LRFN1: variants seen among roughly 807,000 people sequenced by gnomAD.
The protein encoded by LRFN1 is leucine-rich repeat and fibronectin type III domain-containing protein 1.
Under a neutral mutation model 31.8 loss-of-function variants are expected in LRFN1, and 20 were observed. The ratio of observed to expected loss-of-function variants is 0.63; its 90% CI spans 0.44 to 0.91. The LOEUF is 0.91. LRFN1 is among the 40% of genes least tolerant of loss of function. LRFN1 has a pLI of 0.00. For synonymous variants in LRFN1, 514 were observed against 541.3 expected (o/e 0.95, Z 0.70); for missense variants, 912 against 1,129.8 (o/e 0.81, Z 2.76).
chr19:39,319,215 G>T (rs2075180643), intron 1 of LRFN1, among the ~76,000 whole-genome samples: 1 of 152,144 alleles, frequency 6.6e-6, no homozygotes, highest in Non-Finnish European at 1.5e-5. Flanking sequence ...ATACAACAGA[G>T]AAACTCATGT....
Position 39,315,267 on chromosome 19 carries a change from G to A in LRFN1, c.70C>T (p.Leu24Phe). ...TGGCCACGAGATGCCCCCGCCCAGA[G>A]CAGCAGCAGAAAGGGCAGGGCAGCG... ...PPAALPFLLL[L>F]WAGASRGQPC... The change falls in exon 4 of 5, where the codon CTC (leucine) becomes TTC (phenylalanine). Residue 24 changes from leucine (L) to phenylalanine (F), a missense_variant. Physicochemically the swap from Leu to Phe is conservative, Grantham distance 22 (BLOSUM62 0). This residue lies in a region of LRFN1 where 401 missense variants were observed against 572.7 expected (regional missense o/e 0.70). Coordinates refer to ENST00000248668, the MANE Select transcript of LRFN1 (RefSeq NM_020862.2). The surrounding 1 kb of genome is among the most constrained non-coding windows in gnomAD (Gnocchi z 4.7). The A allele has an allele frequency of 6.5e-7, 1 of 1,531,236 alleles. No individual in the cohort carries two copies. Among genetic ancestry groups the A allele is most frequent in the Non-Finnish European group, 8.7e-7 (1 of 1,143,980 alleles). 94.9% of individuals were successfully genotyped at this position (1,531,236 alleles called of 1,614,324 possible).
Position 39,308,079 on chromosome 19 carries a change from T to TGGCCTC in LRFN1, c.1864_1869dup (p.Glu622_Ala623dup), listed in dbSNP as rs2075136223. The TGGCCTC allele has an allele frequency of 6.7e-7, 1 of 1,503,066 alleles. No individual in the cohort carries two copies. Among genetic ancestry groups the TGGCCTC allele is most frequent in the African/African-American group, 1.4e-5 (1 of 70,366 alleles). 93.1% of individuals were successfully genotyped at this position (1,503,066 alleles called of 1,614,324 possible). A position where few individuals can be genotyped will look rare whatever the true frequency, so the allele number is the denominator to read the frequency against. On this transcript the variant is annotated inframe_insertion, in exon 5 of 5. Transcript: ENST00000248668. The surrounding 1 kb of genome is among the most constrained non-coding windows in gnomAD (Gnocchi z 6.2). ...GATGCCGTCTCGGCCTCCATGGCCT[T>TGGCCTC]GGCCTCGACGGCGACGGCGGGGGCA...
rs576418184 is a variant in LRFN1 at position 39,319,685 on chromosome 19, C to A, written c.-126+1108G>T. Among the ~76,000 whole-genome samples, 263 of 152,240 alleles carry A rather than the reference C, an allele frequency of 1.7e-3. 2 individuals are homozygous for A. Among genetic ancestry groups the A allele is most frequent in the African/African-American group, 5.9e-3 (243 of 41,520 alleles). Reference sequence around the variant, plus strand: ...CACACAGTCTTGGACACACATTCCTCCCAGCCCTGAGGCACCCCCCCACCA... The same window carrying A: ...CACACAGTCTTGGACACACATTCCTACCAGCCCTGAGGCACCCCCCCACCA... On this transcript the variant is annotated intron_variant, in intron 1 of 4. Transcript: ENST00000248668.
intron 4 of LRFN1, among the ~76,000 whole-genome samples, chr19:39,309,443 C>A (rs1439069765): frequency 2.5e-5 from 3 of 117,784 alleles, no homozygotes; most frequent in African/African-American, 9.8e-5. Context: ...TACAAGACCG[C>A]AAGACCGAGA....
In LRFN1 at chr19:39,315,251, G is replaced by T. The variant is rs1413961936; in HGVS notation, c.86C>A (p.Ser29Tyr). ...PFLLLLWAGA[S>Y]RGQPCPGRCI... ...GCGGCCGGGGCAGGGCTGGCCACGA[G>T]ATGCCCCCGCCCAGAGCAGCAGCAG... The change falls in exon 4 of 5, where the codon TCT (serine) becomes TAT (tyrosine). Residue 29 changes from serine (S) to tyrosine (Y), a missense_variant. By Grantham distance (144) the Ser-to-Tyr change is moderately radical. Around this residue, in one of 2 missense-constraint regions of LRFN1, gnomAD observed 401 missense variants for 572.7 expected, o/e 0.70. Transcript: ENST00000248668. This position sits in a 1 kb window ranked among gnomAD's most constrained non-coding sequence, Gnocchi z 4.7. 6.5e-7 allele frequency: 1 copy of T among 1,546,522 alleles called. No individual in the cohort carries two copies. Among genetic ancestry groups the T allele is most frequent in the South Asian group, 1.2e-5 (1 of 84,228 alleles).
At position 39,307,936 on chromosome 19, in the gene LRFN1, C is replaced by T; in HGVS notation, c.2013G>A (p.Arg671=). 1.3e-6 allele frequency: 2 copies of T among 1,561,750 alleles called. No individual in the cohort carries two copies. Among genetic ancestry groups the T allele is most frequent in the Middle Eastern group, 1.7e-4 (1 of 5,980 alleles). ...GTGGCTCCAGGGCGCCGGATCGGCT[C>T]CTTCGAGGGCCCACCGCGGCCCGAG... The part of the protein sequence containing the change: ...EESRAAVGPR[R]SRSGALEPPT... The change falls in exon 5 of 5, where the codon AGG becomes AGA. Residue 671 remains arginine, a synonymous_variant. Coordinates refer to ENST00000248668, the MANE Select transcript of LRFN1 (RefSeq NM_020862.2). The surrounding 1 kb of genome is among the most constrained non-coding windows in gnomAD (Gnocchi z 6.7).
chr19:39,307,016 A>T lies in LRFN1; in HGVS notation c.*617T>A, dbSNP rs1362696651. On this transcript the variant is annotated 3_prime_UTR_variant, in exon 5 of 5. Coordinates refer to ENST00000248668, the MANE Select transcript of LRFN1 (RefSeq NM_020862.2). The surrounding 1 kb of genome is among the most constrained non-coding windows in gnomAD (Gnocchi z 6.7). ...GACTAGACAAAACCAGGGAGGGCCG[A>T]GGGACAAGAGACGACAGGACAGAGA... 3 of 306,026 alleles carry T rather than the reference A, an allele frequency of 9.8e-6. No homozygotes were observed. Among genetic ancestry groups the T allele is most frequent in the Non-Finnish European group, 1.8e-5 (3 of 167,930 alleles). The allele number at this position is 306,026 out of a possible 1,614,324, so 19.0% of individuals were successfully genotyped here.
intron 2 of LRFN1, among the ~76,000 whole-genome samples, chr19:39,316,694 CACA>C (rs955309399): frequency 1.6e-4 from 24 of 152,194 alleles, no homozygotes; most frequent in African/African-American, 5.5e-4. Context: ...TTTGGGTACA[CACA>C]ACACACACAC....
chr19:39,320,423 T>A (rs1449289918), intron 1 of LRFN1, among the ~76,000 whole-genome samples: 1 of 150,800 alleles, frequency 6.6e-6, no homozygotes, highest in African/African-American at 2.4e-5. Context: ...CCAGAGCAGC[T>A]AGTCGCGCAC....
At position 39,313,748 on chromosome 19, in the gene LRFN1, A is replaced by G. The variant is rs150135202; in HGVS notation, c.1406+183T>C. 2.2e-4 allele frequency among the ~76,000 whole-genome samples: 33 copies of G among 152,338 alleles called. No individual in the cohort carries two copies. The East Asian group carries it at 5.8e-3, about 27-fold the overall frequency. On this transcript the variant is annotated intron_variant, in intron 4 of 4. Coordinates refer to ENST00000248668, the MANE Select transcript of LRFN1 (RefSeq NM_020862.2). ...TGTAGGTGCTCAGCGAATATTTTCTATAAGCACGAAAAACAGAGACAGTGA... is the reference window on the plus strand; with the variant it reads ...TGTAGGTGCTCAGCGAATATTTTCTGTAAGCACGAAAAACAGAGACAGTGA...
intron 2 of LRFN1, among the ~76,000 whole-genome samples, chr19:39,316,357 A>G (rs39587): frequency 0.19 from 28,890 of 152,062 alleles, 4,945 homozygotes; most frequent in African/African-American, 0.46. Context: ...TCAAATCCTG[A>G]TTCCCCTTTT....
At chr19:39,319,970 C>G (rs888927421) in intron 1 of LRFN1, among the ~76,000 whole-genome samples, 1 of 142,818 alleles carries the variant, frequency 7.0e-6, no homozygotes, top group East Asian at 2.4e-4. Flanking sequence ...GATGTCTGGC[C>G]GGTGGGGGAA....
At position 39,307,660 on chromosome 19, in the gene LRFN1, G is replaced by C. The variant is rs1218263984; in HGVS notation, c.2289C>G (p.Thr763=). ...SARACLAFTS[T]EWMLESTV is the part of the protein sequence containing the mutation. ...ACACGGTACTCTCCAGCATCCACTC[G>C]GTGCTGGTGAAAGCCAGGCACGCCC... The change falls in exon 5 of 5, where the codon ACC becomes ACG. Residue 763 remains threonine, a synonymous_variant. Coordinates refer to ENST00000248668, the MANE Select transcript of LRFN1 (RefSeq NM_020862.2). This position sits in a 1 kb window ranked among gnomAD's most constrained non-coding sequence, Gnocchi z 6.7. The C allele has an allele frequency of 2.7e-6, 4 of 1,482,218 alleles. No homozygotes were observed. The African/African-American group carries it at 4.4e-5, about 16-fold the overall frequency. 91.8% of individuals were successfully genotyped at this position (1,482,218 alleles called of 1,614,324 possible). A position where few individuals can be genotyped will look rare whatever the true frequency, so the allele number is the denominator to read the frequency against.
In LRFN1 at chr19:39,314,942, T is replaced by A. The variant is rs1301489209; in HGVS notation, c.395A>T (p.Gln132Leu). 3 of 1,601,080 alleles carry A rather than the reference T, an allele frequency of 1.9e-6. No homozygotes were observed. Among genetic ancestry groups the A allele is most frequent in the Non-Finnish European group, 2.5e-6 (3 of 1,176,490 alleles). The change falls in exon 4 of 5, where the codon CAG becomes CTG. Residue 132 changes from glutamine to leucine, a missense_variant. By Grantham distance (113) the Gln-to-Leu change is moderately radical. Transcript: ENST00000248668. Reference protein sequence around the residue: ...SNRLAEVRGDQLRGLGNLRHL... With the variant: ...SNRLAEVRGDLLRGLGNLRHL... ...GCGGAGGTTGCCCAGGCCGCGGAGC[T>A]GGTCGCCGCGCACCTCCGCCAGGCG...
At position 39,314,185 on chromosome 19, in the gene LRFN1, C is replaced by G. The variant is rs2075161642; in HGVS notation, c.1152G>C (p.Glu384Asp). 1 of 1,613,126 alleles carries G rather than the reference C, an allele frequency of 6.2e-7. No individual in the cohort carries two copies. Among genetic ancestry groups the G allele is most frequent in the African/African-American group, 1.3e-5 (1 of 74,908 alleles). ...NAAGEATAPV[E>D]VCVVPLPLMA... ...TCAGAGGCAGAGGTACCACGCACAC[C>G]TCCACGGGCGCCGTCGCTTCCCCAG... Residue 384 changes from glutamate (E) to aspartate (D), a missense_variant, in exon 4 of 5, where the codon GAG becomes GAC. By Grantham distance (45) the Glu-to-Asp change is conservative. Coordinates refer to ENST00000248668, the MANE Select transcript of LRFN1 (RefSeq NM_020862.2).
rs113585109 is a variant in LRFN1 at position 39,311,848 on chromosome 19, G to A, written c.1406+2083C>T. Among the ~76,000 whole-genome samples the A allele has an allele frequency of 9.3e-3, 1,397 of 149,638 alleles. 17 individuals are homozygous for A. The highest frequency in any genetic ancestry group is 0.03 in the African/African-American group (1,211 of 40,570). On this transcript the variant is annotated intron_variant, in intron 4 of 4. Transcript: ENST00000248668. ...AGAATCAAAAAGAGAGGGAAATGAG[G>A]AAGACAGAGACAAAAGAAAAGGGAG...
chr19:39,320,305 GACACACACACACAC>G (rs35232910), intron 1 of LRFN1, among the ~76,000 whole-genome samples: 42 of 134,656 alleles, frequency 3.1e-4, no homozygotes, highest in African/African-American at 8.8e-4. Context: ...ACAACCCGCA[GACACACACACACAC>G]ACACACACAC....
intron 2 of LRFN1, among the ~76,000 whole-genome samples, chr19:39,317,509 G>A (rs760436001): frequency 2.0e-5 from 3 of 152,148 alleles, no homozygotes; most frequent in East Asian, 1.9e-4. Flanking sequence ...CCTCGCCTCC[G>A]ACAGCTGGGG....
At chr19:39,320,689 C>T (rs1444683343) in intron 1 of LRFN1, 104 bp downstream of exon 1, 2 of 150,810 alleles carry the variant, frequency 1.3e-5, no homozygotes, top group Non-Finnish European at 3.0e-5. Context: ...ACGCCGGGCC[C>T]GCCGCAGCGC....
Sources: allele counts gnomAD v4.1 joint callset (sites outside exome capture counted in the v4.1 genomes callset), GRCh38; gene constraint gnomAD v4.1.1; regional missense constraint gnomAD v4.1.1; non-coding constraint Gnocchi (gnomAD v3.1); transcripts MANE v1.5; gene names NCBI Gene and HGNC (gene_info 2026-07-23, HGNC 2026-07-21).